QSER1: variants seen among roughly 807,000 people sequenced by gnomAD.
QSER1 encodes the protein glutamine and serine-rich protein 1.
A neutral mutation model predicts 158.5 loss-of-function variants in QSER1; 49 were observed. The ratio of observed to expected loss-of-function variants is 0.31; its 90% CI spans 0.25 to 0.39. QSER1 has a LOEUF of 0.39. Among genes scored for constraint, QSER1 ranks in the 10% least tolerant of loss-of-function variants. The pLI is 1.00. For missense variants in QSER1, 1,754 were observed against 2,010.3 expected (o/e 0.87, Z 2.44); for synonymous variants, 650 against 715.5 (o/e 0.91, Z 1.46).
In QSER1 at chr11:32,966,398, T is replaced by C. The variant is rs762975087; in HGVS notation, c.5068T>C (p.Leu1690=). The C allele has an allele frequency of 8.7e-6, 14 of 1,613,920 alleles. No homozygotes were observed. In the South Asian group the frequency reaches 1.2e-4, roughly 14 times the overall value. ...CATGGAATTGCTTGTTAGCATTGCC[T>C]TGGACCCTGACACAATGCAAGCCTT... ...SYMELLVSIA[L]DPDTMQALEK... is the part of the protein sequence containing the mutation. The change falls in exon 9 of 13, where the codon TTG becomes CTG. Residue 1690 remains leucine (L), a synonymous_variant. Coordinates refer to ENST00000650167, the MANE Select transcript of QSER1 (RefSeq NM_001076786.3).
chr11:32,975,547 C>T, intron 12 of QSER1: 1 of 1,420,770 alleles, frequency 7.0e-7, no homozygotes, highest in Non-Finnish European at 9.3e-7. Context: ...AGCCTCACCA[C>T]CTCTTGTAGG....
intron 1 of QSER1, among the ~76,000 whole-genome samples, chr11:32,896,084 G>A (rs959471664): frequency 2.0e-5 from 3 of 152,208 alleles, no homozygotes; most frequent in African/African-American, 7.2e-5. Context: ...CTAAATGAAT[G>A]AACATGTCCT....
At chr11:32,968,833 C>CT (rs530872185) in intron 9 of QSER1, among the ~76,000 whole-genome samples, 17 of 152,348 alleles carry the variant, frequency 1.1e-4, no homozygotes, top group Admixed American at 3.3e-4. Context: ...CATCATCATA[C>CT]TGAGCTGCCT....
intron 12 of QSER1, 137 bp from the exon 13 acceptor site, chr11:32,976,197 G>A (rs1468471737): frequency 7.2e-6 from 5 of 694,908 alleles, no homozygotes; most frequent in Non-Finnish European, 2.2e-6. Flanking sequence ...ATGAGAGGAT[G>A]AGATCTCACC....
At chr11:32,950,646 AAG>A (rs1852406650) in intron 4 of QSER1, among the ~76,000 whole-genome samples, 1 of 152,186 alleles carries the variant, frequency 6.6e-6, no homozygotes, top group Non-Finnish European at 1.5e-5. Flanking sequence ...GTATCATTCA[AAG>A]AGAAACCCTG....
chr11:32,939,158 A>G (rs1852194840), intron 4 of QSER1, among the ~76,000 whole-genome samples: 1 of 152,218 alleles, frequency 6.6e-6, no homozygotes, highest in Non-Finnish European at 1.5e-5. Context: ...GTCTAGTTAC[A>G]ATTTGATTTC....
intron 1 of QSER1, among the ~76,000 whole-genome samples, chr11:32,924,560 CA>C (rs371281813): frequency 3.9e-3 from 227 of 58,514 alleles, no homozygotes; most frequent in South Asian, 9.5e-3. Flanking sequence ...GACCCTGTCT[CA>C]AAAAAAAAAA....
chr11:32,901,204 T>C (rs543680227), intron 1 of QSER1, among the ~76,000 whole-genome samples: 5 of 152,216 alleles, frequency 3.3e-5, no homozygotes, highest in Non-Finnish European at 5.9e-5. Flanking sequence ...TCTTGAAGAT[T>C]AAATGGAAAA....
At chr11:32,903,372 A>C (rs922287517) in intron 1 of QSER1, among the ~76,000 whole-genome samples, 2 of 149,820 alleles carry the variant, frequency 1.3e-5, no homozygotes, top group African/African-American at 4.9e-5. Flanking sequence ...TAATTAGAAA[A>C]TGAACATAAC....
Position 32,934,390 on chromosome 11 carries a change from T to C in QSER1, c.3132T>C (p.Asn1044=), listed in dbSNP as rs139756945. Residue 1044 remains asparagine (N), a synonymous_variant, in exon 4 of 13, where the codon AAT becomes AAC. Coordinates refer to ENST00000650167, the MANE Select transcript of QSER1 (RefSeq NM_001076786.3). ...CAGCTACAGTAGGAAAGCCACAGAA[T>C]ATAAATGATACTTCCTTAAATGGAA... ...SMTATVGKPQ[N]INDTSLNGNQ... 1.1e-3 allele frequency: 1,826 copies of C among 1,613,838 alleles called. 1 individual carries two copies. Among genetic ancestry groups the C allele is most frequent in the Non-Finnish European group, 1.4e-3 (1,613 of 1,179,952 alleles).
chr11:32,925,667 C>T (rs1483360980), intron 1 of QSER1, among the ~76,000 whole-genome samples: 1 of 151,732 alleles, frequency 6.6e-6, no homozygotes, highest in Non-Finnish European at 1.5e-5. Flanking sequence ...AGCTGAAATT[C>T]GAGACCTATG....
intron 4 of QSER1, among the ~76,000 whole-genome samples, chr11:32,943,244 G>A (rs929395455): frequency 1.3e-4 from 20 of 150,942 alleles, no homozygotes; most frequent in Non-Finnish European, 2.9e-4. Context: ...CTGCCTAATT[G>A]CCCTGGCCAG....
At chr11:32,915,663 T>G (rs1208996818) in intron 1 of QSER1, among the ~76,000 whole-genome samples, 1 of 152,194 alleles carries the variant, frequency 6.6e-6, no homozygotes, top group Non-Finnish European at 1.5e-5. Context: ...GGCTTTTGAT[T>G]AAAAAATAAA....
chr11:32,953,526 T>A (rs1852459395), intron 4 of QSER1, among the ~76,000 whole-genome samples: 2 of 152,128 alleles, frequency 1.3e-5, no homozygotes, highest in South Asian at 4.1e-4. Context: ...GCTAATTTTT[T>A]ATTTTTTTAA....
chr11:32,971,359 G>C (rs1852853000), intron 10 of QSER1, among the ~76,000 whole-genome samples: 1 of 152,156 alleles, frequency 6.6e-6, no homozygotes. Context: ...TCTTGGTGAT[G>C]TTAGGAGTCC....
At chr11:32,962,590 C>T (rs1852644028) in intron 8 of QSER1, among the ~76,000 whole-genome samples, 2 of 152,078 alleles carry the variant, frequency 1.3e-5, no homozygotes, top group Middle Eastern at 3.2e-3. Flanking sequence ...TTGCCAAATC[C>T]AAGGACATAT....
At chr11:32,965,944 A>AACACACACACACAC (rs5790910) in intron 8 of QSER1, among the ~76,000 whole-genome samples, 13,922 of 123,444 alleles carry the variant, frequency 0.11, 1,213 homozygotes, top group East Asian at 0.17. Flanking sequence ...TCTGTCTCAA[A>AACACACACACACAC]ACACACACAC....
chr11:32,916,782 A>ATT lies in QSER1; in HGVS notation c.210-10362_210-10361dup, dbSNP rs57526642. On this transcript the variant is annotated intron_variant, in intron 1 of 12. Transcript: ENST00000650167. ...ACATTGTTATGTTGGGCATGACTCT[A>ATT]TTTTTTTTTTTTTTGAGATGGAGTC... Among the ~76,000 whole-genome samples the ATT allele has an allele frequency of 3.2e-4, 47 of 145,512 alleles. 2 individuals are homozygous for ATT. Among genetic ancestry groups the ATT allele is most frequent in the Middle Eastern group, 7.1e-3 (2 of 282 alleles).
intron 10 of QSER1, among the ~76,000 whole-genome samples, chr11:32,972,229 G>A (rs972979179): frequency 9.9e-5 from 15 of 152,022 alleles, no homozygotes; most frequent in African/African-American, 3.6e-4. Context: ...ATAATAGGAG[G>A]ACTTCAACAT....
Sources: gnomAD v4.1 joint callset for allele counts (sites outside exome capture counted in the v4.1 genomes callset) on GRCh38, gnomAD v4.1.1 for gene constraint, MANE v1.5 for transcripts, NCBI Gene and HGNC (gene_info 2026-07-23, HGNC 2026-07-21) for gene names.